The following POLA1 variants were observed in gnomAD, a reference collection of about 807,000 sequenced individuals.
POLA1 encodes DNA polymerase alpha 1, catalytic subunit, also known as DNA polymerase alpha catalytic subunit.
POLA1 carries 15 observed loss-of-function variants against 124.0 expected under a neutral mutation model. The ratio of observed to expected loss-of-function variants is 0.12; its 90% CI spans 0.08 to 0.19. The LOEUF is 0.19. Ranked by LOEUF, POLA1 falls within the 10% of genes least tolerant of loss-of-function variation. The pLI is 1.00. For synonymous variants in POLA1, 408 were observed against 389.4 expected (o/e 1.05, Z -0.56); for missense variants, 886 against 1,103.4 (o/e 0.80, Z 2.79).
At chrX:24,963,809 T>G (rs993702927) in intron 36 of POLA1, among the ~76,000 whole-genome samples, 1 of 111,724 alleles carries the variant, frequency 9.0e-6, no homozygotes, top group African/African-American at 3.2e-5. Context: ...AAAATCCCAT[T>G]TTTAACCACT....
At chrX:24,959,606 C>G (rs2048146523) in intron 36 of POLA1, among the ~76,000 whole-genome samples, 1 of 111,552 alleles carries the variant, frequency 9.0e-6, no homozygotes, top group African/African-American at 3.3e-5. Flanking sequence ...ACTGGTTTTT[C>G]TACTTCTAGA....
intron 34 of POLA1, among the ~76,000 whole-genome samples, chrX:24,851,282 C>T (rs1484345772): frequency 2.7e-5 from 3 of 112,430 alleles, no homozygotes; most frequent in South Asian, 7.4e-4. Flanking sequence ...AATGAGTTCA[C>T]GATGTCCTGA....
At chrX:24,743,691 C>T (rs1931816130) in intron 23 of POLA1, among the ~76,000 whole-genome samples, 3 of 111,067 alleles carry the variant, frequency 2.7e-5, no homozygotes, top group South Asian at 3.8e-4. Flanking sequence ...GGTCTGTAGC[C>T]GTAGTTTGTC....
chrX:24,961,694 A>G (rs1462654447), intron 36 of POLA1, among the ~76,000 whole-genome samples: 1 of 111,290 alleles, frequency 9.0e-6, no homozygotes, highest in Admixed American at 9.6e-5. Context: ...CATTCCTCCA[A>G]CAGAGAGATT....
At chrX:24,945,714 T>C (rs1051379536) in intron 36 of POLA1, among the ~76,000 whole-genome samples, 2 of 111,392 alleles carry the variant, frequency 1.8e-5, no homozygotes, top group Non-Finnish European at 3.8e-5. Context: ...ATCTCTGAGT[T>C]AGTGAAACTC....
intron 32 of POLA1, among the ~76,000 whole-genome samples, chrX:24,835,780 TACAC>T (rs753044926): frequency 3.6e-5 from 4 of 111,800 alleles, no homozygotes; most frequent in African/African-American, 9.8e-5. Flanking sequence ...AAATATAAAA[TACAC>T]ACTTCTTCCT....
chrX:24,992,766 C>T (rs2048549504), intron 36 of POLA1, among the ~76,000 whole-genome samples: 1 of 112,678 alleles, frequency 8.9e-6, no homozygotes, highest in African/African-American at 3.2e-5. Context: ...TGGGAGAATA[C>T]TCCATTATTT....
chrX:24,914,249 G>T (rs2047496748), intron 35 of POLA1, among the ~76,000 whole-genome samples: 1 of 110,416 alleles, frequency 9.1e-6, no homozygotes, highest in Non-Finnish European at 1.9e-5. Flanking sequence ...TTTAAAGTAA[G>T]ATTTTTTTTA....
At chrX:24,780,218 G>T (rs2045231456) in intron 26 of POLA1, among the ~76,000 whole-genome samples, 1 of 111,695 alleles carries the variant, frequency 9.0e-6, no homozygotes, top group African/African-American at 3.3e-5. Flanking sequence ...AAATGAGGTT[G>T]GAAGGGTTCC....
At chrX:24,805,213 G>A (rs968430892) in intron 26 of POLA1, among the ~76,000 whole-genome samples, 9 of 110,753 alleles carry the variant, frequency 8.1e-5, no homozygotes, top group African/African-American at 2.6e-4. Flanking sequence ...TGATGGCAGT[G>A]CTGTCATTCT....
intron 10 of POLA1, among the ~76,000 whole-genome samples, chrX:24,719,804 C>T (rs959404751): frequency 2.7e-5 from 3 of 111,569 alleles, no homozygotes; most frequent in African/African-American, 6.5e-5. Flanking sequence ...CTTTCCTTTC[C>T]AAGTCTGGTT....
At chrX:24,847,718 ATG>A (rs1458623796) in intron 34 of POLA1, among the ~76,000 whole-genome samples, 1 of 112,078 alleles carries the variant, frequency 8.9e-6, no homozygotes, top group Non-Finnish European at 1.9e-5. Context: ...TTTCTGTTTT[ATG>A]TGTGATCTCT....
intron 29 of POLA1, among the ~76,000 whole-genome samples, chrX:24,813,148 T>C (rs1242605677): frequency 5.4e-5 from 6 of 111,244 alleles, no homozygotes; most frequent in Non-Finnish European, 1.1e-4. Context: ...TTCAGATCCT[T>C]ATAGAGTTGG....
chrX:24,906,167 G>T (rs1034677698), intron 35 of POLA1, among the ~76,000 whole-genome samples: 16 of 112,233 alleles, frequency 1.4e-4, no homozygotes, highest in African/African-American at 5.2e-4. Flanking sequence ...TATCTACCCA[G>T]AGGAAAAGAA....
At chrX:24,711,592 G>T (rs187223466) in intron 4 of POLA1, among the ~76,000 whole-genome samples, 99 of 111,645 alleles carry the variant, frequency 8.9e-4, no homozygotes, top group African/African-American at 3.1e-3. Flanking sequence ...TCAAAGAGTA[G>T]CTACGCATAA....
intron 26 of POLA1, among the ~76,000 whole-genome samples, chrX:24,783,493 T>C (rs1447625803): frequency 1.8e-5 from 2 of 112,267 alleles, no homozygotes; most frequent in African/African-American, 6.5e-5. Context: ...TTTTGTACTA[T>C]AAATTTTTGG....
chrX:24,821,377 A>G, intron 30 of POLA1, 75 bp from the exon 31 acceptor site: 1 of 801,142 alleles, frequency 1.2e-6, no homozygotes, highest in African/African-American at 2.1e-5. Context: ...GATTCTAGCA[A>G]AGATGTTTTT....
chrX:24,957,843 A>T (rs1487642174), intron 36 of POLA1, among the ~76,000 whole-genome samples: 1 of 110,145 alleles, frequency 9.1e-6, no homozygotes, highest in East Asian at 2.8e-4. Flanking sequence ...CTGCTGCATC[A>T]TAGGGGAACA....
chrX:24,909,229 C>A (rs1234175552), intron 35 of POLA1, among the ~76,000 whole-genome samples: 1 of 111,852 alleles, frequency 8.9e-6, no homozygotes, highest in South Asian at 3.7e-4. Context: ...TGCAGAAGCT[C>A]TTGAGTTTAA....
Sources: gnomAD v4.1 joint callset for allele counts (sites outside exome capture counted in the v4.1 genomes callset) on GRCh38, gnomAD v4.1.1 for gene constraint, MANE v1.5 for transcripts, NCBI Gene and HGNC (gene_info 2026-07-23, HGNC 2026-07-21) for gene names.